MAP3K15: variants seen among roughly 807,000 people sequenced by gnomAD.
MAP3K15 encodes the protein mitogen-activated protein kinase kinase kinase 15.
A neutral mutation model predicts 99.5 loss-of-function variants in MAP3K15; 124 were observed. The ratio of observed to expected loss-of-function variants is 1.25; its 90% CI spans 1.08 to 1.45. MAP3K15 has a LOEUF of 1.45. Ranked by LOEUF, MAP3K15 falls within the 40% of genes most tolerant of loss-of-function variation. The pLI, the probability that MAP3K15 is intolerant of heterozygous loss-of-function variation, is 0.00. For missense variants in MAP3K15, 1,242 were observed against 1,079.7 expected (o/e 1.15, Z -2.11); for synonymous variants, 494 against 439.6 (o/e 1.12, Z -1.55).
chrX:19,416,989 C>T (rs759330535), intron 9 of MAP3K15, among the ~76,000 whole-genome samples: 2 of 112,403 alleles, frequency 1.8e-5, no homozygotes, highest in African/African-American at 3.2e-5. Context: ...AGAACCAATA[C>T]AGAGAGAACC....
intron 7 of MAP3K15, among the ~76,000 whole-genome samples, chrX:19,429,073 T>G (rs1345034857): frequency 9.0e-6 from 1 of 110,986 alleles, no homozygotes; most frequent in Non-Finnish European, 1.9e-5. Flanking sequence ...GAAAACTCCT[T>G]AGGAACTACA....
chrX:19,418,622 G>T (rs1428032617), intron 9 of MAP3K15, among the ~76,000 whole-genome samples: 3 of 111,545 alleles, frequency 2.7e-5, no homozygotes, highest in Non-Finnish European at 5.7e-5. Context: ...CTGCAGGACA[G>T]TATCTAGGAG....
intron 1 of MAP3K15, among the ~76,000 whole-genome samples, chrX:19,512,565 C>T (rs913071119): frequency 3.6e-5 from 4 of 110,799 alleles, no homozygotes; most frequent in Non-Finnish European, 7.6e-5. Context: ...GCATCGACCT[C>T]CCGGGCTTAA....
At chrX:19,417,527 G>C (rs1259088658) in intron 9 of MAP3K15, among the ~76,000 whole-genome samples, 1 of 111,822 alleles carries the variant, frequency 8.9e-6, no homozygotes, top group Non-Finnish European at 1.9e-5. Flanking sequence ...GCTTGAGTAG[G>C]TAAACAAAGC....
At chrX:19,514,516 C>T (rs1195650564) in intron 1 of MAP3K15, among the ~76,000 whole-genome samples, 1 of 27,825 alleles carries the variant, frequency 3.6e-5, no homozygotes, top group East Asian at 1.2e-3. Flanking sequence ...TCCTGTTGGA[C>T]GGATCAGGGG....
rs770212278 is a variant in MAP3K15, at chrX:19,460,004, A to AGGAGTAAGT, written c.860_868dup (p.Leu289_Leu290insHisLeuLeu). 8.5e-7 allele frequency: 1 copy of AGGAGTAAGT among 1,171,084 alleles called. No homozygotes were observed. The highest frequency in any genetic ancestry group is 1.1e-6 in the Non-Finnish European group (1 of 880,104). ...TCATACCTGGATATCACGGTAGGAC[A>AGGAGTAAGT]GGAGTAAGTTAATGATGATGTCTGA... On this transcript the variant is annotated inframe_insertion, in exon 5 of 29. Coordinates refer to ENST00000338883, the MANE Select transcript of MAP3K15 (RefSeq NM_001001671.4).
Position 19,360,712 on chromosome X carries a change from G to A in MAP3K15, c.*37C>T, listed in dbSNP as rs15816. On this transcript the variant is annotated 3_prime_UTR_variant, in exon 29 of 29. Transcript: ENST00000338883. ...CAGAAGCTTTAACAAAACATGTAGC[G>A]TGGTGGGACACTCTGCCACAGCTTA... 83,620 of 1,048,618 alleles carry A rather than the reference G, an allele frequency of 0.08. 10,344 individuals carry two copies. Among genetic ancestry groups the A allele is most frequent in the African/African-American group, 0.67 (35,936 of 53,838 alleles). 86.4% of individuals were successfully genotyped at this position (1,048,618 alleles called of 1,213,427 possible).
chrX:19,422,829 C>T (rs1425448682), intron 9 of MAP3K15, among the ~76,000 whole-genome samples: 1 of 111,317 alleles, frequency 9.0e-6, no homozygotes, highest in Non-Finnish European at 1.9e-5. Context: ...ACATATACAC[C>T]ATGGAATACT....
chrX:19,384,749 G>GGAAAAA (rs1555943906), intron 18 of MAP3K15, among the ~76,000 whole-genome samples: 1 of 22,559 alleles, frequency 4.4e-5, no homozygotes, highest in African/African-American at 1.9e-4. Flanking sequence ...TGTCTCAGGG[G>GGAAAAA]AAAAAAAAAA....
At chrX:19,497,098 C>A (rs970206067) in intron 1 of MAP3K15, 2 of 110,970 alleles carry the variant, frequency 1.8e-5, no homozygotes, top group African/African-American at 3.3e-5. Flanking sequence ...AAAAACTTAT[C>A]TATTTGCTTC....
chrX:19,395,923 A>C (rs1363708952), intron 15 of MAP3K15, among the ~76,000 whole-genome samples: 2 of 112,134 alleles, frequency 1.8e-5, no homozygotes, highest in Middle Eastern at 4.2e-3. Flanking sequence ...TTCTCTGAAT[A>C]TACTTTGTGT....
Position 19,488,883 on chromosome X carries a change from G to A in MAP3K15, c.446C>T (p.Ala149Val), listed in dbSNP as rs1231322832. 1 of 1,198,728 alleles carries A rather than the reference G, an allele frequency of 8.3e-7. No individual in the cohort carries two copies. Among genetic ancestry groups the A allele is most frequent in the South Asian group, 1.8e-5 (1 of 56,924 alleles). The change falls in exon 2 of 29, where the codon GCC (alanine) becomes GTC (valine). Residue 149 changes from alanine (A) to valine (V), a missense_variant. By Grantham distance (64) the Ala-to-Val change is moderately conservative. Coordinates refer to ENST00000338883, the MANE Select transcript of MAP3K15 (RefSeq NM_001001671.4). ...HLGVRESFDM[A>V]NNVILYHDTD... ...GTCATGGTACAAGATCACATTATTG[G>A]CCATGTCAAAGCTTTCTCGGACTCC...
chrX:19,470,211 C>T (rs1384605809), intron 3 of MAP3K15, among the ~76,000 whole-genome samples: 1 of 111,620 alleles, frequency 9.0e-6, no homozygotes, highest in Non-Finnish European at 1.9e-5. Context: ...CCATGGAATA[C>T]TATGCAGCCA....
At position 19,398,210 on chromosome X, in the gene MAP3K15, G is replaced by A; in HGVS notation, c.2066+16C>T. 1 of 1,210,489 alleles carries A rather than the reference G, an allele frequency of 8.3e-7. No homozygotes were observed. On this transcript the variant is annotated intron_variant, in intron 15 of 28. Coordinates refer to ENST00000338883, the MANE Select transcript of MAP3K15 (RefSeq NM_001001671.4). Reference sequence around the variant, plus strand: ...GGAGACGGCACCCGAAATGCGGAAGGCCCGCCTGGACTTGCCTGCTATCTC... The same window carrying A: ...GGAGACGGCACCCGAAATGCGGAAGACCCGCCTGGACTTGCCTGCTATCTC...
At position 19,371,357 on chromosome X, in the gene MAP3K15, T is replaced by G; in HGVS notation, c.3282A>C (p.Gly1094=). 1 of 1,205,538 alleles carries G rather than the reference T, an allele frequency of 8.3e-7. No individual in the cohort carries two copies. Among genetic ancestry groups the G allele is most frequent in the Non-Finnish European group, 1.1e-6 (1 of 891,153 alleles). The change falls in exon 23 of 29, where the codon GGA becomes GGC. Residue 1094 remains glycine, a synonymous_variant. Coordinates refer to ENST00000338883, the MANE Select transcript of MAP3K15 (RefSeq NM_001001671.4). ...SISQIHLVLF[G]FQDAVNKILR... ...ATGGAGCACTTACGGCATCCTGAAA[T>G]CCGAACAGCACCAGGTGAATCTGAC...
At chrX:19,451,662 A>C (rs2147342956) in intron 6 of MAP3K15, among the ~76,000 whole-genome samples, 1 of 110,353 alleles carries the variant, frequency 9.1e-6, no homozygotes, top group South Asian at 3.9e-4. Flanking sequence ...AATAAAAAAA[A>C]AAAGGAAAAC....
chrX:19,479,212 G>A (rs796540299), intron 3 of MAP3K15, among the ~76,000 whole-genome samples: 5 of 111,796 alleles, frequency 4.5e-5, no homozygotes, highest in South Asian at 3.8e-4. Flanking sequence ...CTGGGAGCTC[G>A]TTAGGAAGCA....
intron 19 of MAP3K15, among the ~76,000 whole-genome samples, chrX:19,378,467 A>G (rs1312265336): frequency 8.9e-6 from 1 of 112,142 alleles, no homozygotes; most frequent in Non-Finnish European, 1.9e-5. Context: ...ACCTCTTCAC[A>G]GGGCGGCAGG....
chrX:19,456,838 A>G (rs900386036), intron 6 of MAP3K15, 75 bp downstream of exon 6: 1 of 756,162 alleles, frequency 1.3e-6, no homozygotes, highest in African/African-American at 2.1e-5. Flanking sequence ...CTCATACCCG[A>G]TGTTGAATGA....
Sources: allele counts gnomAD v4.1 joint callset (sites outside exome capture counted in the v4.1 genomes callset), GRCh38; gene constraint gnomAD v4.1.1; transcripts MANE v1.5; gene names NCBI Gene and HGNC (gene_info 2026-07-23, HGNC 2026-07-21).